TNNI3K: variants seen among roughly 807,000 people sequenced by gnomAD.
The protein encoded by TNNI3K is TNNI3 interacting kinase.
A neutral mutation model predicts 114.5 loss-of-function variants in TNNI3K; 140 were observed. The observed-to-expected ratio is 1.22, with a 90% CI of 1.07 to 1.41. TNNI3K has a LOEUF of 1.41. Among genes scored for constraint, TNNI3K ranks in the 40% most tolerant of loss-of-function variants. TNNI3K has a pLI of 0.00. For missense variants in TNNI3K, 1,125 were observed against 1,007.6 expected, an observed-to-expected ratio of 1.12 and a Z score of -1.58; for synonymous variants, 347 against 347.5, an observed-to-expected ratio of 1.00 and a Z score of 0.02.
chr1:74,328,959 C>A (rs1660057192), intron 5 of TNNI3K, among the ~76,000 whole-genome samples: 2 of 152,054 alleles, frequency 1.3e-5, no homozygotes, highest in African/African-American at 2.4e-5. Flanking sequence ...TCCTGAGATT[C>A]CCAGGCATGT....
chr1:74,450,969 A>G (rs1056290695), intron 20 of TNNI3K, among the ~76,000 whole-genome samples: 1 of 152,234 alleles, frequency 6.6e-6, no homozygotes, highest in African/African-American at 2.4e-5. Context: ...GTGCAGCACT[A>G]TTCACAATAG....
At chr1:74,391,380 G>A (rs2100569194) in intron 17 of TNNI3K, among the ~76,000 whole-genome samples, 2 of 152,278 alleles carry the variant, frequency 1.3e-5, no homozygotes, top group Middle Eastern at 6.8e-3. Flanking sequence ...CAGTGGACAT[G>A]GAGAGAAAGC....
At chr1:74,491,022 T>C (rs1669044166) in intron 22 of TNNI3K, among the ~76,000 whole-genome samples, 2 of 152,212 alleles carry the variant, frequency 1.3e-5, no homozygotes, top group South Asian at 2.1e-4. Flanking sequence ...ATGATTAGTC[T>C]TGTTCTGAAA....
intron 7 of TNNI3K, among the ~76,000 whole-genome samples, chr1:74,339,872 A>T (rs2100436493): frequency 6.6e-6 from 1 of 152,264 alleles, no homozygotes; most frequent in East Asian, 1.9e-4. Flanking sequence ...TGAAAAAATT[A>T]AATTTAGAAT....
chr1:74,409,211 G>A (rs1211860160), intron 17 of TNNI3K, among the ~76,000 whole-genome samples: 1 of 152,126 alleles, frequency 6.6e-6, no homozygotes, highest in Admixed American at 6.5e-5. Context: ...CCAAGGTCAT[G>A]TAACTAGGAA....
At chr1:74,532,372 A>G (rs1486727810) in intron 23 of TNNI3K, among the ~76,000 whole-genome samples, 2 of 152,142 alleles carry the variant, frequency 1.3e-5, no homozygotes, top group African/African-American at 4.8e-5. Context: ...ATAATCCAAA[A>G]CCCTTTAACT....
intron 23 of TNNI3K, among the ~76,000 whole-genome samples, chr1:74,531,734 T>C (rs1646586597): frequency 6.6e-6 from 1 of 152,220 alleles, no homozygotes; most frequent in African/African-American, 2.4e-5. Flanking sequence ...GTTTAAGTAT[T>C]ATTGTATGTG....
At chr1:74,256,877 A>G (rs1655347190) in intron 4 of TNNI3K, among the ~76,000 whole-genome samples, 1 of 152,172 alleles carries the variant, frequency 6.6e-6, no homozygotes, top group Non-Finnish European at 1.5e-5. Flanking sequence ...GAGAGAAAAT[A>G]TGCTTTTCGG....
chr1:74,240,674 G>A (rs1199194617), intron 2 of TNNI3K: 4 of 151,696 alleles, frequency 2.6e-5, no homozygotes, highest in Non-Finnish European at 4.4e-5. Context: ...TTAAGACTAT[G>A]TTTTGCTAAT....
chr1:74,436,352 A>G (rs1345907509), intron 18 of TNNI3K, 122 bp from the exon 19 acceptor site: 13 of 1,255,070 alleles, frequency 1.0e-5, no homozygotes, highest in Non-Finnish European at 1.3e-5. Context: ...TCCAGCCAAG[A>G]GAAGGGAAGT....
chr1:74,436,328 T>G, intron 18 of TNNI3K, 146 bp from the exon 19 acceptor site: 2 of 1,203,328 alleles, frequency 1.7e-6, no homozygotes, highest in East Asian at 2.6e-5. Flanking sequence ...TTCTAGTTTT[T>G]CTTCTTTCTT....
Position 74,492,091 on chromosome 1 carries a change from A to C in TNNI3K, c.2182-6A>C, listed in dbSNP as rs1570695131. The C allele has an allele frequency of 6.5e-7, 1 of 1,535,566 alleles. No homozygotes were observed. The highest frequency in any genetic ancestry group is 8.9e-7 in the Non-Finnish European group (1 of 1,129,306). ...AAACAATTGAAATTGCCCCTCCTCCACTCAGCTGATGTCTCCTGCATCAAG... is the reference window on the plus strand; with the variant it reads ...AAACAATTGAAATTGCCCCTCCTCCCCTCAGCTGATGTCTCCTGCATCAAG... On this transcript the variant is annotated splice_polypyrimidine_tract_variant and splice_region_variant and intron_variant, in intron 22 of 24. Coordinates refer to ENST00000326637, the MANE Select transcript of TNNI3K (RefSeq NM_015978.3).
chr1:74,384,277 G>A (rs1159079267), intron 17 of TNNI3K, among the ~76,000 whole-genome samples: 1 of 152,084 alleles, frequency 6.6e-6, no homozygotes, highest in Non-Finnish European at 1.5e-5. Context: ...ATTTTGTGCT[G>A]TAGATAATTA....
chr1:74,397,194 A>T (rs1664129804), intron 17 of TNNI3K, among the ~76,000 whole-genome samples: 1 of 98,032 alleles, frequency 1.0e-5, no homozygotes, highest in Non-Finnish European at 2.7e-5. Flanking sequence ...GAAAGGAAAC[A>T]TGATGACAGA....
intron 17 of TNNI3K, chr1:74,372,620 A>G (rs1371799045): frequency 2.6e-5 from 4 of 151,856 alleles, no homozygotes; most frequent in South Asian, 2.1e-4. Flanking sequence ...CATAATATAA[A>G]CCGATGATTT....
At chr1:74,317,066 T>C (rs1382855193) in intron 5 of TNNI3K, among the ~76,000 whole-genome samples, 1 of 152,206 alleles carries the variant, frequency 6.6e-6, no homozygotes, top group Non-Finnish European at 1.5e-5. Flanking sequence ...TCCTTTTCTT[T>C]ACTGCCTGTC....
intron 22 of TNNI3K, among the ~76,000 whole-genome samples, chr1:74,490,039 AT>A (rs3835393): frequency 0.51 from 57,664 of 114,016 alleles, 14,853 homozygotes; most frequent in East Asian, 0.65. Context: ...GAAAAGCAGG[AT>A]TTTTTTTTCT....
At chr1:74,453,066 A>T (rs1217845991) in intron 20 of TNNI3K, among the ~76,000 whole-genome samples, 2 of 152,144 alleles carry the variant, frequency 1.3e-5, no homozygotes, top group African/African-American at 4.8e-5. Flanking sequence ...ATCACATTTT[A>T]CTCACAGTTT....
intron 11 of TNNI3K, among the ~76,000 whole-genome samples, chr1:74,366,176 G>A (rs1557523163): frequency 6.6e-6 from 1 of 151,978 alleles, no homozygotes; most frequent in Non-Finnish European, 1.5e-5. Flanking sequence ...TGATGGATAA[G>A]TATTTATGCT....
Sources: gnomAD v4.1 joint callset for allele counts (sites outside exome capture counted in the v4.1 genomes callset) on GRCh38, gnomAD v4.1.1 for gene constraint, MANE v1.5 for transcripts, NCBI Gene and HGNC (gene_info 2026-07-23, HGNC 2026-07-21) for gene names.